The following LRRC45 variants were observed in gnomAD, a reference collection of about 807,000 sequenced individuals.
LRRC45 encodes the protein leucine rich repeat containing 45.
A neutral mutation model predicts 85.4 loss-of-function variants in LRRC45; 73 were observed. The ratio of observed to expected loss-of-function variants is 0.85; its 90% CI spans 0.71 to 1.04. The LOEUF (loss-of-function observed/expected upper bound fraction) is 1.04, where lower values mean the gene tolerates loss of function less well. Among genes scored for constraint, LRRC45 ranks in the 50% least tolerant of loss-of-function variants. The pLI, the probability that LRRC45 is intolerant of heterozygous loss-of-function variation, is 0.00. For synonymous variants in LRRC45, 429 were observed against 386.0 expected, an observed-to-expected ratio of 1.11 and a Z score of -1.31; for missense variants, 937 against 883.3, an observed-to-expected ratio of 1.06 and a Z score of -0.77.
In LRRC45 at chr17:82,030,368, G is replaced by A. The variant is rs761934937; in HGVS notation, c.1718G>A (p.Arg573His). ...AGGGTGGCCGAGGTGAGCAGGGTGC[G>A]CGTGGAGCTGCAGGAGCAGAACGGC... Reference protein sequence around the residue: ...QERVAEVSRVRVELQEQNGRL... With the variant: ...QERVAEVSRVHVELQEQNGRL... Residue 573 changes from arginine to histidine, a missense_variant, in exon 16 of 17, where the codon CGC becomes CAC. Physicochemically the swap from Arg to His is conservative, Grantham distance 29. Coordinates refer to ENST00000306688, the MANE Select transcript of LRRC45 (RefSeq NM_144999.4). The A allele has an allele frequency of 1.3e-5, 20 of 1,549,900 alleles. No homozygotes were observed. Among genetic ancestry groups the A allele is most frequent in the Non-Finnish European group, 1.5e-5 (17 of 1,146,852 alleles).
At position 82,030,894 on chromosome 17, in the gene LRRC45, T is replaced by TTG. The variant is rs2043415502; in HGVS notation, c.*90_*91dup. The stretch of plus-strand genomic sequence containing the variant: ...GCTGCGTCCCGCCCGCGCCGCCTCT[T>TTG]TGAGACCCGGGTCGTCTGTTCCACG... On this transcript the variant is annotated 3_prime_UTR_variant, in exon 17 of 17. Transcript: ENST00000306688. The TTG allele has an allele frequency of 9.8e-7, 1 of 1,019,536 alleles. No individual in the cohort carries two copies. The highest frequency in any genetic ancestry group is 1.7e-5 in the African/African-American group (1 of 60,012). The allele number at this position is 1,019,536 out of a possible 1,614,324, so 63.2% of individuals were successfully genotyped here.
chr17:82,030,731 G>A lies in LRRC45; in HGVS notation c.1939G>A (p.Ala647Thr). 1.3e-6 allele frequency: 2 copies of A among 1,493,736 alleles called. No homozygotes were observed. The highest frequency in any genetic ancestry group is 1.8e-6 in the Non-Finnish European group (2 of 1,111,682). The allele number at this position is 1,493,736 out of a possible 1,614,324, so 92.5% of individuals were successfully genotyped here. ...ARIRDEEAQR[A>T]SFLQNAVLAY... ...CATCCGGGACGAGGAGGCCCAGAGGGCGAGCTTCCTGCAGAACGCCGTCCT... is the reference window on the plus strand; with the variant it reads ...CATCCGGGACGAGGAGGCCCAGAGGACGAGCTTCCTGCAGAACGCCGTCCT... Residue 647 changes from alanine (A) to threonine (T), a missense_variant, in exon 17 of 17, where the codon GCG becomes ACG. Transcript: ENST00000306688.
At chr17:82,024,057 G>C (rs1271054483) in intron 1 of LRRC45, 194 bp downstream of exon 1, 1 of 703,958 alleles carries the variant, frequency 1.4e-6, no homozygotes. Flanking sequence ...TAACATTCGC[G>C]GTCTTACCTG....
In LRRC45 at chr17:82,024,691, A is replaced by G. The variant is rs1372567172; in HGVS notation, c.283-2A>G. ...GTGACTACCGGCCTGTTTCTCTCCT[A>G]GGGCAACAACCTTCGGGCTGCAGGG... On this transcript the variant is annotated splice_acceptor_variant, in intron 2 of 16. Transcript: ENST00000306688. LOFTEE classifies it high-confidence loss of function. 3 of 1,571,726 alleles carry G rather than the reference A, an allele frequency of 1.9e-6. No homozygotes were observed. The highest frequency in any genetic ancestry group is 2.7e-5 in the African/African-American group (2 of 72,884).
At chr17:82,029,781 C>A in intron 14 of LRRC45, 146 bp downstream of exon 14, 1 of 855,922 alleles carries the variant, frequency 1.2e-6, no homozygotes, top group Non-Finnish European at 1.8e-6. Context: ...ACTGGTGGGT[C>A]CGCTTCAGCC....
At position 82,027,991 on chromosome 17, in the gene LRRC45, G is replaced by T; in HGVS notation, c.912-20G>T. 6.3e-7 allele frequency: 1 copy of T among 1,584,806 alleles called. No homozygotes were observed. On this transcript the variant is annotated intron_variant, in intron 8 of 16. Coordinates refer to ENST00000306688, the MANE Select transcript of LRRC45 (RefSeq NM_144999.4). ...GTGAAACTCCAACCGGGGCGGGGGTGCTGCCCCTCCTTTCTGCAGGCTGCA... is the reference window on the plus strand; with the variant it reads ...GTGAAACTCCAACCGGGGCGGGGGTTCTGCCCCTCCTTTCTGCAGGCTGCA...
In LRRC45 at chr17:82,030,901, C is replaced by T; in HGVS notation, c.*96C>T. 1.0e-6 allele frequency: 1 copy of T among 975,346 alleles called. No individual in the cohort carries two copies. The highest frequency in any genetic ancestry group is 1.4e-6 in the Non-Finnish European group (1 of 737,434). 60.4% of individuals were successfully genotyped at this position (975,346 alleles called of 1,614,324 possible). On this transcript the variant is annotated 3_prime_UTR_variant, in exon 17 of 17. Coordinates refer to ENST00000306688, the MANE Select transcript of LRRC45 (RefSeq NM_144999.4). ...CCCGCCCGCGCCGCCTCTTTGAGAC[C>T]CGGGTCGTCTGTTCCACGCGGCGGT...
chr17:82,027,265 C>T, intron 6 of LRRC45, 121 bp from the exon 7 acceptor site: 4 of 1,270,098 alleles, frequency 3.1e-6, no homozygotes, highest in East Asian at 2.3e-5. Flanking sequence ...GACAGGGCAC[C>T]GTGGGTGGAA....
rs2043415025 is a variant in LRRC45 at position 82,030,854 on chromosome 17, C to T, written c.*49C>T. ...CAGTAGGAGTGCATCAGGCGGCGCCCGAGATGGACCAGGGGCTGCGTCCCG... is the reference window on the plus strand; with the variant it reads ...CAGTAGGAGTGCATCAGGCGGCGCCTGAGATGGACCAGGGGCTGCGTCCCG... On this transcript the variant is annotated 3_prime_UTR_variant, in exon 17 of 17. Coordinates refer to ENST00000306688, the MANE Select transcript of LRRC45 (RefSeq NM_144999.4). 7.9e-7 allele frequency: 1 copy of T among 1,262,928 alleles called. No individual in the cohort carries two copies. The highest frequency in any genetic ancestry group is 1.0e-6 in the Non-Finnish European group (1 of 981,194). The allele number at this position is 1,262,928 out of a possible 1,614,324, so 78.2% of individuals were successfully genotyped here. A position where few individuals can be genotyped will look rare whatever the true frequency, so the allele number is the denominator to read the frequency against.
At position 82,023,314 on chromosome 17, in the gene LRRC45, G is replaced by T. The variant is rs985117520; in HGVS notation, c.-330G>T. ...TCTCCCGGCGCGCCTTGTTCTTCCT[G>T]GATACTGAGGCCCCGACGCGGCTGT... On this transcript the variant is annotated 5_prime_UTR_variant, in exon 1 of 17. Transcript: ENST00000306688. 10 of 457,556 alleles carry T rather than the reference G, an allele frequency of 2.2e-5. No individual in the cohort carries two copies. The highest frequency in any genetic ancestry group is 3.5e-5 in the Non-Finnish European group (9 of 258,724). The allele number at this position is 457,556 out of a possible 1,614,324, so 28.3% of individuals were successfully genotyped here.
rs764258278 is a variant in LRRC45 at position 82,030,230 on chromosome 17, C to G, written c.1660C>G (p.Leu554Val). The change falls in exon 15 of 17, where the codon CTG (leucine) becomes GTG (valine). Residue 554 changes from leucine to valine, a missense_variant. By Grantham distance (32) the Leu-to-Val change is conservative (BLOSUM62 1). Coordinates refer to ENST00000306688, the MANE Select transcript of LRRC45 (RefSeq NM_144999.4). ...VEGLRRRLEE[L>V]QQELSLKDQE... ...GGGCCTGCGGCGGCGCCTGGAAGAG[C>G]TGCAGCAGGTAGGCGGGGCTCCGGT... 6.5e-7 allele frequency: 1 copy of G among 1,534,960 alleles called. No individual in the cohort carries two copies. The highest frequency in any genetic ancestry group is 8.8e-7 in the Non-Finnish European group (1 of 1,136,886).
In LRRC45 at chr17:82,029,539, G is replaced by C. The variant is rs76311640; in HGVS notation, c.1402-4G>C. The stretch of plus-strand genomic sequence containing the variant: ...AACGGGCTGGCAGGTGGCCATCTGT[G>C]CAGGAGCTGAGCCGAGTGAAAGCAG... On this transcript the variant is annotated splice_polypyrimidine_tract_variant and splice_region_variant and intron_variant, in intron 13 of 16. Transcript: ENST00000306688. 0.025 allele frequency: 38,969 copies of C among 1,564,048 alleles called. 545 individuals carry two copies. Among genetic ancestry groups the C allele is most frequent in the Non-Finnish European group, 0.03 (34,722 of 1,155,882 alleles).
Position 82,029,576 on chromosome 17 carries a change from G to A in LRRC45, c.1435G>A (p.Glu479Lys), listed in dbSNP as rs976789095. The A allele has an allele frequency of 1.5e-5, 24 of 1,579,306 alleles. No homozygotes were observed. Among genetic ancestry groups the A allele is most frequent in the South Asian group, 2.3e-5 (2 of 86,216 alleles). Residue 479 changes from glutamate to lysine, a missense_variant, in exon 14 of 17, where the codon GAG becomes AAG. Physicochemically the swap from Glu to Lys is moderately conservative, Grantham distance 56. Transcript: ENST00000306688. ...CCGAGTGAAAGCAGCGGCACTCAGC[G>A]AGCGTGGCCAGGCTGAGGAGGAGCT... The part of the protein sequence containing the change: ...LSRVKAAALS[E>K]RGQAEEELIK...
At chr17:82,025,683 G>A (rs1023726617) in intron 5 of LRRC45, among the ~76,000 whole-genome samples, 176 bp downstream of exon 5, 8 of 152,218 alleles carry the variant, frequency 5.3e-5, no homozygotes, top group African/African-American at 1.9e-4. Context: ...AATGGCGTTC[G>A]CCACACATGG....
At position 82,027,777 on chromosome 17, in the gene LRRC45, C is replaced by T. The variant is rs1387440367; in HGVS notation, c.911+26C>T. On this transcript the variant is annotated intron_variant, in intron 8 of 16. Transcript: ENST00000306688. ...GTAAGTGGGGGGTGGCCTCAGGATA[C>T]TTCAGAGACGTGCCCACAGGGCAGA... is the stretch of plus-strand genomic sequence containing the variant. 4 of 1,604,914 alleles carry T rather than the reference C, an allele frequency of 2.5e-6. No homozygotes were observed. The African/African-American group carries it at 5.3e-5, about 21-fold the overall frequency.
At position 82,029,395 on chromosome 17, in the gene LRRC45, C is replaced by T. The variant is rs541931264; in HGVS notation, c.1402-148C>T. On this transcript the variant is annotated intron_variant, in intron 13 of 16. Transcript: ENST00000306688. ...CTTCCTTGGCCTTAGGAACCTTGCC[C>T]AGCGAGCTAGGTGGCAGAGCAGCTG... The T allele has an allele frequency of 1.2e-5, 12 of 994,076 alleles. No individual in the cohort carries two copies. In the South Asian group the frequency reaches 1.4e-4, roughly 11 times the overall value. 61.6% of individuals were successfully genotyped at this position (994,076 alleles called of 1,614,324 possible).
intron 6 of LRRC45, 25 bp from the exon 7 acceptor site, chr17:82,027,359 CAG>C: frequency 1.2e-6 from 2 of 1,612,232 alleles, no homozygotes; most frequent in Non-Finnish European, 1.7e-6. Context: ...GGTGCCCTGA[CAG>C]GGCTGCGGCT....
At chr17:82,027,151 A>G (rs2043375239) in intron 6 of LRRC45, 140 bp downstream of exon 6, 1 of 884,376 alleles carries the variant, frequency 1.1e-6, no homozygotes, top group Non-Finnish European at 1.8e-6. Context: ...GGTACCAGGA[A>G]GGAGGGGCGG....
Position 82,029,167 on chromosome 17 carries a change from G to C in LRRC45, c.1383G>C (p.Ala461=). ...AGCGGGTGCAGAGGCTGGAGGCGGC[G>C]CGGCTGTCCCTGGAGGAGGTGAGTG... The part of the protein sequence containing the change: ...MQERVQRLEA[A]RLSLEEELSR... Residue 461 remains alanine, a synonymous_variant, in exon 13 of 17, where the codon GCG becomes GCC. Transcript: ENST00000306688. 1 of 1,611,348 alleles carries C rather than the reference G, an allele frequency of 6.2e-7. No homozygotes were observed. The highest frequency in any genetic ancestry group is 8.5e-7 in the Non-Finnish European group (1 of 1,179,648).
Sources: gnomAD v4.1 joint callset for allele counts (sites outside exome capture counted in the v4.1 genomes callset) on GRCh38, gnomAD v4.1.1 for gene constraint, MANE v1.5 for transcripts, NCBI Gene and HGNC (gene_info 2026-07-23, HGNC 2026-07-21) for gene names.